TFAP2D: variants seen among roughly 807,000 people sequenced by gnomAD.
The protein encoded by TFAP2D is transcription factor AP-2-delta.
Under a neutral mutation model 43.6 loss-of-function variants are expected in TFAP2D, and 9 were observed. The ratio of observed to expected loss-of-function variants is 0.21; its 90% confidence interval spans 0.12 to 0.36. The LOEUF (loss-of-function observed/expected upper bound fraction) is 0.36, where lower values mean the gene tolerates loss of function less well. Ranked by LOEUF, TFAP2D falls within the 10% of genes least tolerant of loss-of-function variation. The pLI is 1.00. For missense variants in TFAP2D, 513 were observed against 561.4 expected, an observed-to-expected ratio of 0.91 and a Z score of 0.87; for synonymous variants, 256 against 224.9, an observed-to-expected ratio of 1.14 and a Z score of -1.24.
chr6:50,719,089 G>A lies in TFAP2D; in HGVS notation c.538-1G>A. 1.9e-6 allele frequency: 3 copies of A among 1,613,772 alleles called. No individual in the cohort carries two copies. Among genetic ancestry groups the A allele is most frequent in the Non-Finnish European group, 2.5e-6 (3 of 1,179,816 alleles). ...ATTTTATTTCTGTTTCTTTTATTAA[G>A]GGCTCTGTGGAGGCCCAGTGTGGGC... On this transcript the variant is annotated splice_acceptor_variant, in intron 2 of 7. Coordinates refer to ENST00000008391, the MANE Select transcript of TFAP2D (RefSeq NM_172238.4). LOFTEE classifies it high-confidence loss of function.
chr6:50,746,218 G>T (rs1769122915), intron 6 of TFAP2D, among the ~76,000 whole-genome samples: 1 of 149,866 alleles, frequency 6.7e-6, no homozygotes. Context: ...TTTTATTCAG[G>T]GAAAAGTATT....
intron 7 of TFAP2D, among the ~76,000 whole-genome samples, chr6:50,761,241 G>A (rs1769359708): frequency 6.6e-6 from 1 of 150,588 alleles, no homozygotes; most frequent in African/African-American, 2.4e-5. Flanking sequence ...AAAAAAAAAG[G>A]TGAGGGAGAA....
chr6:50,714,983 C>A, intron 1 of TFAP2D, 133 bp from the exon 2 acceptor site: 1 of 1,218,866 alleles, frequency 8.2e-7, no homozygotes, highest in Non-Finnish European at 1.1e-6. Flanking sequence ...GGCTTCGGCT[C>A]GGCCCGAGTC....
intron 3 of TFAP2D, among the ~76,000 whole-genome samples, chr6:50,723,858 C>T (rs930522275): frequency 6.6e-6 from 1 of 152,136 alleles, no homozygotes; most frequent in Non-Finnish European, 1.5e-5. Context: ...CCCTAATATA[C>T]ACCATTACAC....
intron 5 of TFAP2D, among the ~76,000 whole-genome samples, chr6:50,742,591 TAG>T: frequency 6.6e-6 from 1 of 150,444 alleles, no homozygotes; most frequent in South Asian, 2.1e-4. Context: ...GATAGATAGA[TAG>T]ATAGATAGAT....
At chr6:50,737,810 T>C (rs1768984607) in intron 5 of TFAP2D, among the ~76,000 whole-genome samples, 1 of 152,156 alleles carries the variant, frequency 6.6e-6, no homozygotes, top group Non-Finnish European at 1.5e-5. Context: ...CCAGTCCTCT[T>C]CTGAATATCA....
chr6:50,718,958 T>C (rs1183223660), intron 2 of TFAP2D, 132 bp from the exon 3 acceptor site: 2 of 830,512 alleles, frequency 2.4e-6, no homozygotes, highest in Non-Finnish European at 3.7e-6. Context: ...CAAGCTTGCT[T>C]CAGCTCAATG....
intron 7 of TFAP2D, among the ~76,000 whole-genome samples, chr6:50,760,227 C>T (rs2235495): frequency 0.25 from 38,481 of 151,862 alleles, 5,462 homozygotes; most frequent in East Asian, 0.43. Flanking sequence ...GTGGGAAATG[C>T]TGCAGAAGTT....
At chr6:50,757,445 CTTATTCTATATATATATAATATATATAA>C (rs1561940190) in intron 7 of TFAP2D, among the ~76,000 whole-genome samples, 17 of 76,246 alleles carry the variant, frequency 2.2e-4, no homozygotes, top group South Asian at 1.2e-3. Context: ...AATATATATA[CTTATTCTATATATATATAATATATATAA>C]TTATTCTATA....
At chr6:50,748,398 T>C (rs1041760323) in intron 6 of TFAP2D, among the ~76,000 whole-genome samples, 3 of 151,924 alleles carry the variant, frequency 2.0e-5, no homozygotes, top group Non-Finnish European at 4.4e-5. Flanking sequence ...ATAAAAAATA[T>C]ATATGAAATC....
chr6:50,724,344 A>G (rs751138609), intron 3 of TFAP2D, among the ~76,000 whole-genome samples: 11 of 152,260 alleles, frequency 7.2e-5, no homozygotes, highest in Middle Eastern at 3.4e-3. Flanking sequence ...TGCCGTTTGT[A>G]TTTCTTTCAT....
Position 50,759,070 on chromosome 6 carries a change from A to G in TFAP2D, c.1139+7746A>G, listed in dbSNP as rs1769328998. ...ACTAGTGGTTAAAACAATAGAAGCC[A>G]GAGGTAATTGTTTCTAATTAAAAGT... On this transcript the variant is annotated intron_variant, in intron 7 of 7. Transcript: ENST00000008391. Among the ~76,000 whole-genome samples the G allele has an allele frequency of 2.0e-5, 3 of 152,078 alleles. No homozygotes were observed. The South Asian group carries it at 6.2e-4, about 31-fold the overall frequency.
Position 50,772,986 on chromosome 6 carries a change from A to T in TFAP2D, c.*122A>T. On this transcript the variant is annotated 3_prime_UTR_variant, in exon 8 of 8. Coordinates refer to ENST00000008391, the MANE Select transcript of TFAP2D (RefSeq NM_172238.4). ...CTCTACCCTTCCCCAACCCTCCATA[A>T]AAAAACAAAAATGGAAATGAAAAAT... 1.1e-6 allele frequency: 1 copy of T among 931,316 alleles called. No homozygotes were observed. The highest frequency in any genetic ancestry group is 1.5e-6 in the Non-Finnish European group (1 of 655,008). The allele number at this position is 931,316 out of a possible 1,614,324, so 57.7% of individuals were successfully genotyped here. A position where few individuals can be genotyped will look rare whatever the true frequency, so the allele number is the denominator to read the frequency against.
rs756834448 is a variant in TFAP2D at position 50,764,077 on chromosome 6, CT to C, written c.1140-8562del. Among the ~76,000 whole-genome samples, 138 of 152,164 alleles carry C rather than the reference CT, an allele frequency of 9.1e-4. 1 individual carries two copies. Among genetic ancestry groups the C allele is most frequent in the Non-Finnish European group, 1.8e-3 (119 of 67,988 alleles). On this transcript the variant is annotated intron_variant, in intron 7 of 7. Coordinates refer to ENST00000008391, the MANE Select transcript of TFAP2D (RefSeq NM_172238.4). ...TTTAATAACCCAGAGTTTCTAAAAT[CT>C]TTTTTCCTCCTGCTTTAACTATTAA...
At chr6:50,759,341 C>T (rs1769332229) in intron 7 of TFAP2D, among the ~76,000 whole-genome samples, 1 of 151,922 alleles carries the variant, frequency 6.6e-6, no homozygotes, top group African/African-American at 2.4e-5. Context: ...AGGCATTGCA[C>T]CCGTGTGACC....
intron 7 of TFAP2D, among the ~76,000 whole-genome samples, chr6:50,763,535 T>G (rs1408611634): frequency 6.6e-6 from 1 of 152,218 alleles, no homozygotes; most frequent in Non-Finnish European, 1.5e-5. Flanking sequence ...GAAATACACT[T>G]ACTTTATTAC....
chr6:50,763,844 G>T (rs1374676435), intron 7 of TFAP2D, among the ~76,000 whole-genome samples: 2 of 152,288 alleles, frequency 1.3e-5, no homozygotes, highest in South Asian at 4.1e-4. Context: ...ATTGCCAGGA[G>T]CTGGGGCTTG....
At chr6:50,740,268 GT>G (rs1769021793) in intron 5 of TFAP2D, among the ~76,000 whole-genome samples, 1 of 152,040 alleles carries the variant, frequency 6.6e-6, no homozygotes, top group Admixed American at 6.6e-5. Flanking sequence ...AAACTCAATT[GT>G]TTTTAAGGCA....
intron 6 of TFAP2D, among the ~76,000 whole-genome samples, chr6:50,747,601 C>A (rs939893117): frequency 1.7e-4 from 26 of 152,220 alleles, no homozygotes; most frequent in Admixed American, 1.7e-3. Flanking sequence ...CCACTACCAT[C>A]ATCAATGCAA....
Sources: gnomAD v4.1 joint callset for allele counts (sites outside exome capture counted in the v4.1 genomes callset) on GRCh38, gnomAD v4.1.1 for gene constraint, MANE v1.5 for transcripts, NCBI Gene and HGNC (gene_info 2026-07-23, HGNC 2026-07-21) for gene names.